ZNF385B: variants seen among roughly 807,000 people sequenced by gnomAD.
The protein encoded by ZNF385B is zinc finger protein 385B.
In ZNF385B, 23 loss-of-function variants were observed where a neutral mutation model predicts 39.2. The ratio of observed to expected loss-of-function variants is 0.59; its 90% CI spans 0.42 to 0.83. ZNF385B has a LOEUF of 0.83. Ranked by LOEUF, ZNF385B falls within the 40% of genes least tolerant of loss-of-function variation. The pLI is 0.00. For missense variants in ZNF385B, 552 were observed against 598.9 expected (o/e 0.92, Z 0.82); for synonymous variants, 205 against 222.6 (o/e 0.92, Z 0.70).
chr2:179,574,604 A>T (rs1685595869), intron 3 of ZNF385B, among the ~76,000 whole-genome samples: 1 of 152,232 alleles, frequency 6.6e-6, no homozygotes, highest in Non-Finnish European at 1.5e-5. Context: ...TTACAGGAAA[A>T]GACCATTAAA....
intron 5 of ZNF385B, among the ~76,000 whole-genome samples, chr2:179,493,547 G>A (rs1401651458): frequency 3.9e-5 from 5 of 128,694 alleles, no homozygotes; most frequent in Admixed American, 9.1e-5. Flanking sequence ...GTATACATAC[G>A]TGTACATGCA....
intron 3 of ZNF385B, among the ~76,000 whole-genome samples, chr2:179,756,541 G>GCCCCA (rs1703033948): frequency 6.6e-6 from 1 of 152,066 alleles, no homozygotes; most frequent in African/African-American, 2.4e-5. Context: ...GCTAGGTTGG[G>GCCCCA]GAAGTTCTCC....
chr2:179,584,097 T>C (rs1414206207), intron 3 of ZNF385B: 1 of 484,920 alleles, frequency 2.1e-6, no homozygotes, highest in South Asian at 1.6e-5. Context: ...AAGTAGGTAA[T>C]TACATTAGAG....
chr2:179,737,947 T>C lies in ZNF385B; in HGVS notation c.298+31556A>G, dbSNP rs1225949580. 4.6e-5 allele frequency among the ~76,000 whole-genome samples: 7 copies of C among 152,294 alleles called. No individual in the cohort carries two copies. In the East Asian group the frequency reaches 1.4e-3, roughly 29 times the overall value. On this transcript the variant is annotated intron_variant, in intron 3 of 9. Transcript: ENST00000410066. The stretch of plus-strand genomic sequence containing the variant: ...ATGCAGAACTAATGTAATGAACAAA[T>C]GGTCACTCATGCATTACCTTTGAAA...
chr2:179,821,884 A>C (rs1013998899), intron 1 of ZNF385B, among the ~76,000 whole-genome samples: 2 of 152,192 alleles, frequency 1.3e-5, no homozygotes, highest in Non-Finnish European at 2.9e-5. Context: ...ATAGGATGCA[A>C]GAAAAAAGAG....
rs1701732941 is a variant in ZNF385B at position 179,736,022 on chromosome 2, G to A, written c.298+33481C>T. 3.4e-5 allele frequency among the ~76,000 whole-genome samples: 5 copies of A among 148,474 alleles called. No homozygotes were observed. In the South Asian group the frequency reaches 1.1e-3, roughly 31 times the overall value. On this transcript the variant is annotated intron_variant, in intron 3 of 9. Transcript: ENST00000410066. ...GTGCACATGTACCCTAAAACTTAAA[G>A]TATAATAATAAAAAAAAGCCTGTTC...
chr2:179,823,846 A>G (rs1707535937), intron 1 of ZNF385B, among the ~76,000 whole-genome samples: 1 of 152,146 alleles, frequency 6.6e-6, no homozygotes, highest in African/African-American at 2.4e-5. Context: ...TTGCAAACAC[A>G]ATGGTTTGCA....
rs138657692 is a variant in ZNF385B at position 179,592,596 on chromosome 2, A to G, written c.299-47627T>C. Among the ~76,000 whole-genome samples, 420 of 152,338 alleles carry G rather than the reference A, an allele frequency of 2.8e-3. 3 individuals are homozygous for G. The highest frequency in any genetic ancestry group is 9.6e-3 in the African/African-American group (398 of 41,576). On this transcript the variant is annotated intron_variant, in intron 3 of 9. Transcript: ENST00000410066. Reference sequence around the variant, plus strand: ...ATTGGGAAGAACACTGAAGAAAAGTATACCGTAAGATGTTTGGACACTATT... The same window carrying G: ...ATTGGGAAGAACACTGAAGAAAAGTGTACCGTAAGATGTTTGGACACTATT...
chr2:179,533,810 A>G (rs1160518850), intron 4 of ZNF385B, among the ~76,000 whole-genome samples: 3 of 152,214 alleles, frequency 2.0e-5, no homozygotes, highest in Non-Finnish European at 4.4e-5. Context: ...TAAGGGGTCT[A>G]TATTTGGAAG....
chr2:179,539,278 T>C (rs1431399121), intron 4 of ZNF385B, among the ~76,000 whole-genome samples: 1 of 152,072 alleles, frequency 6.6e-6, no homozygotes. Flanking sequence ...GCTCTTCTTA[T>C]AGGGCACTAA....
At chr2:179,651,918 T>G (rs867177264) in intron 3 of ZNF385B, among the ~76,000 whole-genome samples, 8 of 152,152 alleles carry the variant, frequency 5.3e-5, no homozygotes, top group Admixed American at 2.0e-4. Flanking sequence ...AGGGACACCT[T>G]TTCTCCAGAA....
intron 4 of ZNF385B, among the ~76,000 whole-genome samples, chr2:179,537,644 C>T (rs558971412): frequency 1.8e-4 from 27 of 151,768 alleles, no homozygotes; most frequent in South Asian, 4.2e-4. Context: ...GGGAGGCTGA[C>T]GCAGAAGAAT....
At chr2:179,749,890 T>A (rs1702576384) in intron 3 of ZNF385B, among the ~76,000 whole-genome samples, 2 of 152,108 alleles carry the variant, frequency 1.3e-5, no homozygotes, top group South Asian at 4.1e-4. Flanking sequence ...ATACATATAA[T>A]ATGTAAAAGT....
chr2:179,687,745 T>C (rs751559723), intron 3 of ZNF385B, among the ~76,000 whole-genome samples: 1 of 152,202 alleles, frequency 6.6e-6, no homozygotes, highest in Non-Finnish European at 1.5e-5. Context: ...TCAAAATTTT[T>C]CCATACCTTA....
intron 4 of ZNF385B, among the ~76,000 whole-genome samples, chr2:179,522,156 C>G (rs771102962): frequency 2.0e-5 from 3 of 152,140 alleles, no homozygotes; most frequent in Non-Finnish European, 2.9e-5. Flanking sequence ...CCCTCTGATG[C>G]AATAACTACA....
intron 6 of ZNF385B, among the ~76,000 whole-genome samples, chr2:179,471,960 T>C (rs1204274643): frequency 6.6e-6 from 1 of 152,230 alleles, no homozygotes; most frequent in Non-Finnish European, 1.5e-5. Flanking sequence ...CCCCTAGTAC[T>C]AATAATCTTG....
At chr2:179,670,868 A>C (rs1695893596) in intron 3 of ZNF385B, among the ~76,000 whole-genome samples, 1 of 152,224 alleles carries the variant, frequency 6.6e-6, no homozygotes, top group Non-Finnish European at 1.5e-5. Context: ...TGGAGGATAA[A>C]GGCTAAGAGT....
In ZNF385B at chr2:179,544,908, C is replaced by T. The variant is rs761440005; in HGVS notation, c.360G>A (p.Gln120=). 3.1e-6 allele frequency: 5 copies of T among 1,614,024 alleles called. No individual in the cohort carries two copies. Among genetic ancestry groups the T allele is most frequent in the African/African-American group, 1.3e-5 (1 of 74,932 alleles). ...ALVRTPTLMM[Q]PSLDIKPFMS... is the part of the protein sequence containing the mutation. Reference sequence around the variant, plus strand: ...TAAATGGTTTGATATCCAGTGAAGGCTGCATCATCAGGGTAGGTGTGCGCA... The same window carrying T: ...TAAATGGTTTGATATCCAGTGAAGGTTGCATCATCAGGGTAGGTGTGCGCA... The change falls in exon 4 of 10, where the codon CAG becomes CAA. Residue 120 remains glutamine, a synonymous_variant. Transcript: ENST00000410066.
At chr2:179,616,218 G>A (rs1689722199) in intron 3 of ZNF385B, among the ~76,000 whole-genome samples, 1 of 152,158 alleles carries the variant, frequency 6.6e-6, no homozygotes, top group South Asian at 2.1e-4. Flanking sequence ...GGAATCAAAT[G>A]AGAGTACTTA....
Sources: gnomAD v4.1 joint callset for allele counts (sites outside exome capture counted in the v4.1 genomes callset) on GRCh38, gnomAD v4.1.1 for gene constraint, MANE v1.5 for transcripts, NCBI Gene and HGNC (gene_info 2026-07-23, HGNC 2026-07-21) for gene names.